The following DISP1 variants were observed in gnomAD, a reference collection of about 807,000 sequenced individuals.
DISP1 encodes the protein dispatched RND transporter family member 1, also known as protein dispatched homolog 1.
Under a neutral mutation model 37.3 loss-of-function variants are expected in DISP1, and 30 were observed. That is an observed-to-expected ratio of 0.80 (90% CI 0.60 to 1.09). The LOEUF (loss-of-function observed/expected upper bound fraction) is 1.09, where lower values mean the gene tolerates loss of function less well. Among genes scored for constraint, DISP1 ranks in the 50% least tolerant of loss-of-function variants. The probability of loss-of-function intolerance (pLI) is 0.00; values close to 1 mark genes in which losing one functional copy is unlikely to be tolerated. For synonymous variants in DISP1, 634 were observed against 690.2 expected (o/e 0.92, Z 1.28); for missense variants, 1,598 against 1,879.5 (o/e 0.85, Z 2.77).
At chr1:222,951,763 C>T (rs1355123803) in intron 3 of DISP1, among the ~76,000 whole-genome samples, 2 of 152,150 alleles carry the variant, frequency 1.3e-5, no homozygotes, top group African/African-American at 2.4e-5. Flanking sequence ...AGTCTGGTTC[C>T]TGACTTCAAA....
At chr1:222,919,065 C>G (rs993660002) in intron 1 of DISP1, among the ~76,000 whole-genome samples, 2 of 152,162 alleles carry the variant, frequency 1.3e-5, no homozygotes, top group Admixed American at 6.5e-5. Flanking sequence ...GCTTGGTTCC[C>G]TCAGTAGGAG....
At chr1:222,838,693 G>A (rs1006263173) in intron 1 of DISP1, among the ~76,000 whole-genome samples, 4 of 152,192 alleles carry the variant, frequency 2.6e-5, no homozygotes, top group African/African-American at 9.6e-5. Flanking sequence ...GATTGCTTGA[G>A]CTCAGAGTTA....
At chr1:222,833,080 G>A (rs1307986883) in intron 1 of DISP1, among the ~76,000 whole-genome samples, 1 of 151,998 alleles carries the variant, frequency 6.6e-6, no homozygotes, top group Non-Finnish European at 1.5e-5. Context: ...TTTGACTTCT[G>A]CGAACACAAG....
chr1:222,983,154 A>C, intron 4 of DISP1, 45 bp downstream of exon 4: 1 of 1,415,264 alleles, frequency 7.1e-7, no homozygotes, highest in Non-Finnish European at 1.0e-6. Context: ...ACTTACCTGC[A>C]TGCTTTTTCC....
At chr1:222,872,111 C>T (rs969559518) in intron 1 of DISP1, among the ~76,000 whole-genome samples, 1 of 152,138 alleles carries the variant, frequency 6.6e-6, no homozygotes, top group African/African-American at 2.4e-5. Flanking sequence ...CATGTTGAAT[C>T]AGCCTTGCAT....
intron 8 of DISP1, among the ~76,000 whole-genome samples, chr1:223,000,749 A>G (rs1471886245): frequency 6.6e-6 from 1 of 152,194 alleles, no homozygotes; most frequent in Non-Finnish European, 1.5e-5. Flanking sequence ...CAGGGATCAT[A>G]GGTAACTTGG....
chr1:222,877,893 G>A (rs1204554868), intron 1 of DISP1, among the ~76,000 whole-genome samples: 2 of 152,140 alleles, frequency 1.3e-5, no homozygotes, highest in South Asian at 4.1e-4. Context: ...GAACAGCCCT[G>A]ATATGTTGTA....
intron 1 of DISP1, among the ~76,000 whole-genome samples, chr1:222,898,078 C>T (rs1671367159): frequency 6.6e-6 from 1 of 152,124 alleles, no homozygotes; most frequent in African/African-American, 2.4e-5. Flanking sequence ...AAAACATACA[C>T]TTTCTTATTA....
At chr1:222,818,453 C>T (rs906768404) in intron 1 of DISP1, among the ~76,000 whole-genome samples, 13 of 152,128 alleles carry the variant, frequency 8.5e-5, no homozygotes, top group Non-Finnish European at 1.8e-4. Context: ...CAAAATAGTA[C>T]CAGTTTGATT....
intron 1 of DISP1, among the ~76,000 whole-genome samples, chr1:222,842,580 T>G (rs1167742960): frequency 2.0e-5 from 3 of 152,064 alleles, no homozygotes; most frequent in Non-Finnish European, 4.4e-5. Context: ...CAAAGTATGT[T>G]CCATGGGAGA....
intron 1 of DISP1, among the ~76,000 whole-genome samples, chr1:222,830,783 C>T (rs1370956139): frequency 2.0e-5 from 3 of 152,160 alleles, no homozygotes; most frequent in Admixed American, 6.5e-5. Flanking sequence ...TAGCTTTTAG[C>T]GAGGCTGATA....
intron 3 of DISP1, among the ~76,000 whole-genome samples, chr1:222,976,926 A>G (rs1677375724): frequency 6.6e-6 from 1 of 152,174 alleles, no homozygotes; most frequent in Admixed American, 6.6e-5. Flanking sequence ...AAAAATTAAG[A>G]TTTTTGTATA....
At chr1:222,878,308 T>C (rs1377939203) in intron 1 of DISP1, among the ~76,000 whole-genome samples, 1 of 152,174 alleles carries the variant, frequency 6.6e-6, no homozygotes, top group African/African-American at 2.4e-5. Context: ...TTTTTGCCAA[T>C]AACTGTTCAC....
At chr1:222,974,171 A>G (rs2102655021) in intron 3 of DISP1, among the ~76,000 whole-genome samples, 1 of 152,264 alleles carries the variant, frequency 6.6e-6, no homozygotes, top group East Asian at 1.9e-4. Flanking sequence ...CCATTTTTGG[A>G]TGAAAAAATA....
chr1:222,976,092 C>A (rs1384512892), intron 3 of DISP1, among the ~76,000 whole-genome samples: 1 of 152,070 alleles, frequency 6.6e-6, no homozygotes, highest in African/African-American at 2.4e-5. Flanking sequence ...AAGATTATTG[C>A]TGCTTATTTG....
Position 222,943,524 on chromosome 1 carries a change from T to C in DISP1, c.509+192T>C, listed in dbSNP as rs578042983. On this transcript the variant is annotated intron_variant, in intron 3 of 8. Transcript: ENST00000675850. ...AATACTGTATATCGATTTTATCCAC[T>C]GACTTGTTAGTCAAATCCTCCCTTC... The C allele has an allele frequency of 9.8e-6, 7 of 713,828 alleles. No individual in the cohort carries two copies. The South Asian group carries it at 1.3e-4, about 13-fold the overall frequency. 44.2% of individuals were successfully genotyped at this position (713,828 alleles called of 1,614,324 possible).
intron 3 of DISP1, among the ~76,000 whole-genome samples, chr1:222,954,836 C>T (rs1170857272): frequency 2.0e-5 from 3 of 151,784 alleles, no homozygotes; most frequent in Non-Finnish European, 2.9e-5. Flanking sequence ...TAGTGAGACC[C>T]TGTTTATCTA....
chr1:222,897,202 T>A (rs1671312404), intron 1 of DISP1, among the ~76,000 whole-genome samples: 1 of 152,192 alleles, frequency 6.6e-6, no homozygotes, highest in African/African-American at 2.4e-5. Flanking sequence ...AGATATCTGT[T>A]GAATAAAAGA....
intron 1 of DISP1, among the ~76,000 whole-genome samples, chr1:222,847,626 T>C (rs1667988090): frequency 6.6e-6 from 1 of 152,168 alleles, no homozygotes; most frequent in South Asian, 2.1e-4. Flanking sequence ...CCTTTTCCCT[T>C]TCCTTGTTTG....
Sources: gnomAD v4.1 joint callset for allele counts (sites outside exome capture counted in the v4.1 genomes callset) on GRCh38, gnomAD v4.1.1 for gene constraint, MANE v1.5 for transcripts, NCBI Gene and HGNC (gene_info 2026-07-23, HGNC 2026-07-21) for gene names.